CFAP44: variants seen among roughly 807,000 people sequenced by gnomAD.
CFAP44 encodes cilia- and flagella-associated protein 44.
CFAP44 carries 134 observed loss-of-function variants against 216.2 expected under a neutral mutation model. The ratio of observed to expected loss-of-function variants is 0.62; its 90% CI spans 0.54 to 0.72. CFAP44 has a LOEUF of 0.72. Among genes scored for constraint, CFAP44 ranks in the 30% least tolerant of loss-of-function variants. The pLI is 0.00. For missense variants in CFAP44, 2,035 were observed against 2,182.1 expected (o/e 0.93, Z 1.34); for synonymous variants, 700 against 727.6 (o/e 0.96, Z 0.61).
chr3:113,303,851 C>T, intron 32 of CFAP44, 65 bp downstream of exon 32: 1 of 1,499,706 alleles, frequency 6.7e-7, no homozygotes, highest in South Asian at 1.2e-5. Context: ...TGGAGACAGT[C>T]ACCTGGATAA....
intron 4 of CFAP44, among the ~76,000 whole-genome samples, chr3:113,423,052 T>C (rs1340752222): frequency 1.3e-5 from 2 of 151,720 alleles, no homozygotes; most frequent in African/African-American, 2.4e-5. Flanking sequence ...TCAGGAAATG[T>C]TTGTTGAACT....
At chr3:113,389,511 G>A (rs747337890) in intron 15 of CFAP44, among the ~76,000 whole-genome samples, 4 of 151,406 alleles carry the variant, frequency 2.6e-5, no homozygotes, top group East Asian at 1.9e-4. Context: ...GAAAATAAAT[G>A]AAAAAGATCA....
In CFAP44 at chr3:113,327,807, C is replaced by G; in HGVS notation, c.4129G>C (p.Val1377Leu). 1 of 1,536,600 alleles carries G rather than the reference C, an allele frequency of 6.5e-7. No individual in the cohort carries two copies. The highest frequency in any genetic ancestry group is 8.7e-7 in the Non-Finnish European group (1 of 1,146,600). ...QYLVNRIKELVVTFDAELRLL... is the reference protein window; with the variant it reads ...QYLVNRIKELLVTFDAELRLL... ...CGGAGTTCTGCATCGAAAGTGACAACCAGTTCTTTGATCTGAGATGGAAAA... is the reference window on the plus strand; with the variant it reads ...CGGAGTTCTGCATCGAAAGTGACAAGCAGTTCTTTGATCTGAGATGGAAAA... Residue 1377 changes from valine (V) to leucine (L), a missense_variant, in exon 27 of 35, where the codon GTT (valine) becomes CTT (leucine). By Grantham distance (32) the Val-to-Leu change is conservative. Around this residue, in one of 3 missense-constraint regions of CFAP44, gnomAD observed 1,883 missense variants for 2,023.7 expected, o/e 0.93. Coordinates refer to ENST00000393845, the MANE Select transcript of CFAP44 (RefSeq NM_001164496.2).
intron 18 of CFAP44, among the ~76,000 whole-genome samples, chr3:113,370,213 C>T (rs536922211): frequency 2.0e-5 from 3 of 152,148 alleles, no homozygotes; most frequent in Non-Finnish European, 4.4e-5. Flanking sequence ...AGAGGAAATC[C>T]TCCCTAACTC....
chr3:113,317,818 G>C (rs571039015), intron 28 of CFAP44, among the ~76,000 whole-genome samples: 1 of 152,330 alleles, frequency 6.6e-6, no homozygotes, highest in East Asian at 1.9e-4. Context: ...ATATCTCCCT[G>C]CTACAGTCTT....
rs940869059 is a variant in CFAP44, at chr3:113,287,510, T to C, written c.*4047A>G. ...TCTTTACATGTTAGAATTCAGTCTCTGAGTATTTGAAGAAAATACCCACTT... is the reference window on the plus strand; with the variant it reads ...TCTTTACATGTTAGAATTCAGTCTCCGAGTATTTGAAGAAAATACCCACTT... On this transcript the variant is annotated 3_prime_UTR_variant, in exon 35 of 35. Coordinates refer to ENST00000393845, the MANE Select transcript of CFAP44 (RefSeq NM_001164496.2). The C allele has an allele frequency of 6.5e-6, 1 of 152,972 alleles. No homozygotes were observed. The highest frequency in any genetic ancestry group is 2.4e-5 in the African/African-American group (1 of 41,468). The allele number at this position is 152,972 out of a possible 1,614,324, so 9.5% of individuals were successfully genotyped here.
At chr3:113,401,520 T>C (rs1213498388) in intron 10 of CFAP44, 64 bp downstream of exon 10, 7 of 1,575,676 alleles carry the variant, frequency 4.4e-6, no homozygotes, top group East Asian at 2.2e-5. Context: ...AAATCAATCA[T>C]ACTACTACTT....
chr3:113,365,277 T>C lies in CFAP44; in HGVS notation c.2715+762A>G, dbSNP rs11920316. Among the ~76,000 whole-genome samples the C allele has an allele frequency of 7.2e-4, 110 of 152,238 alleles. 1 individual carries two copies. Among genetic ancestry groups the C allele is most frequent in the African/African-American group, 2.4e-3 (100 of 41,562 alleles). On this transcript the variant is annotated intron_variant, in intron 19 of 34. Coordinates refer to ENST00000393845, the MANE Select transcript of CFAP44 (RefSeq NM_001164496.2). ...ATTTTGCTATTAGAAGAAATGAAAA[T>C]TGACCTACTCATATCTTCCCTACAT...
intron 31 of CFAP44, 193 bp from the exon 32 acceptor site, chr3:113,304,310 C>T (rs1949965050): frequency 1.0e-5 from 6 of 596,916 alleles, no homozygotes; most frequent in East Asian, 2.8e-5. Flanking sequence ...AGCCACATCA[C>T]GTCTCTGTGG....
chr3:113,308,839 C>A (rs1388518730), intron 28 of CFAP44, among the ~76,000 whole-genome samples: 2 of 152,112 alleles, frequency 1.3e-5, no homozygotes, highest in Non-Finnish European at 2.9e-5. Flanking sequence ...CTCCTGGGCT[C>A]AAGGGATCTG....
At chr3:113,311,015 T>C (rs1039211489) in intron 28 of CFAP44, among the ~76,000 whole-genome samples, 15 of 152,172 alleles carry the variant, frequency 9.9e-5, no homozygotes, top group African/African-American at 3.6e-4. Flanking sequence ...GGTATTTCTT[T>C]ATAGCAATGC....
At chr3:113,440,891 A>T (rs112989292) in intron 1 of CFAP44, among the ~76,000 whole-genome samples, 3,223 of 152,312 alleles carry the variant, frequency 0.021, 101 homozygotes, top group African/African-American at 0.065. Flanking sequence ...AACTCATGAT[A>T]GACTGGACAC....
intron 15 of CFAP44, among the ~76,000 whole-genome samples, chr3:113,383,633 G>A (rs563621308): frequency 2.0e-4 from 30 of 152,082 alleles, no homozygotes; most frequent in African/African-American, 6.7e-4. Flanking sequence ...AAAAGCAAAT[G>A]GTAAATGAAA....
chr3:113,320,423 A>ATGTTATATATTGATATATATGATATATG (rs1559910289), intron 28 of CFAP44, among the ~76,000 whole-genome samples: 7 of 137,800 alleles, frequency 5.1e-5, no homozygotes, highest in African/African-American at 1.9e-4. Flanking sequence ...TGATATATAT[A>ATGTTATATATTGATATATATGATATATG]TGATATATAT....
At chr3:113,423,920 G>A (rs1239345628) in intron 4 of CFAP44, among the ~76,000 whole-genome samples, 1 of 152,144 alleles carries the variant, frequency 6.6e-6, no homozygotes, top group East Asian at 1.9e-4. Flanking sequence ...AGCCGAATTG[G>A]TTACAGCTTG....
chr3:113,430,668 T>C (rs1474203039), intron 2 of CFAP44, among the ~76,000 whole-genome samples: 1 of 152,006 alleles, frequency 6.6e-6, no homozygotes, highest in Non-Finnish European at 1.5e-5. Context: ...AAAGAAGAAA[T>C]AGAGAGCCCT....
In CFAP44 at chr3:113,326,541, C is replaced by G. The variant is rs576454657; in HGVS notation, c.4420G>C (p.Ala1474Pro). Residue 1474 changes from alanine to proline, a missense_variant, in exon 28 of 35, where the codon GCC (alanine) becomes CCC (proline). By Grantham distance (27) the Ala-to-Pro change is conservative. Coordinates refer to ENST00000393845, the MANE Select transcript of CFAP44 (RefSeq NM_001164496.2). ...EKALYAGFQA[A>P]IGENNKFANF... ...GCAAATTTATTGTTTTCTCCAATGGCTGCTTGAAAACCAGCATAGAGTGCC... is the reference window on the plus strand; with the variant it reads ...GCAAATTTATTGTTTTCTCCAATGGGTGCTTGAAAACCAGCATAGAGTGCC... 47 of 1,532,002 alleles carry G rather than the reference C, an allele frequency of 3.1e-5. 1 individual carries two copies. In the South Asian group the frequency reaches 5.3e-4, roughly 17 times the overall value. 94.9% of individuals were successfully genotyped at this position (1,532,002 alleles called of 1,614,324 possible).
intron 1 of CFAP44, among the ~76,000 whole-genome samples, chr3:113,438,489 T>C (rs926382248): frequency 2.0e-5 from 3 of 152,184 alleles, no homozygotes; most frequent in Non-Finnish European, 2.9e-5. Context: ...CTGGATAAGG[T>C]TGTTCTGAGT....
At chr3:113,294,645 C>T in intron 34 of CFAP44, 42 bp downstream of exon 34, 1 of 1,480,318 alleles carries the variant, frequency 6.8e-7, no homozygotes, top group Non-Finnish European at 8.9e-7. Flanking sequence ...TTTGACAGAG[C>T]TTCCTCAATT....
Sources: allele counts gnomAD v4.1 joint callset (sites outside exome capture counted in the v4.1 genomes callset), GRCh38; gene constraint gnomAD v4.1.1; regional missense constraint gnomAD v4.1.1; transcripts MANE v1.5; gene names NCBI Gene and HGNC (gene_info 2026-07-23, HGNC 2026-07-21).